Variants in NKAIN2 observed in about 807,000 individuals in gnomAD.
NKAIN2 encodes the protein sodium/potassium-transporting ATPase subunit beta-1-interacting protein 2.
NKAIN2 carries 14 observed loss-of-function variants against 32.6 expected under a neutral mutation model. That is an observed-to-expected ratio of 0.43 (90% CI 0.28 to 0.67). NKAIN2 has a LOEUF of 0.67. NKAIN2 is among the 30% of genes least tolerant of loss of function. The probability of loss-of-function intolerance (pLI) is 0.17; values close to 1 mark genes in which losing one functional copy is unlikely to be tolerated. For synonymous variants in NKAIN2, 80 were observed against 87.2 expected (o/e 0.92, Z 0.46); for missense variants, 198 against 258.3 (o/e 0.77, Z 1.60).
chr6:124,525,284 C>T (rs753642211), intron 3 of NKAIN2, among the ~76,000 whole-genome samples: 10 of 151,942 alleles, frequency 6.6e-5, no homozygotes, highest in African/African-American at 9.7e-5. Flanking sequence ...ATATAGGCAG[C>T]GGGAGTTTAA....
rs374202586 is a variant in NKAIN2, at chr6:124,113,852, C to T, written c.55-169153C>T. ...AACCTTTCAATTAGTTTCTGATTTC[C>T]CACACAGGGAATTCTTCCATCAATT... On this transcript the variant is annotated intron_variant, in intron 1 of 6. Coordinates refer to ENST00000368417, the MANE Select transcript of NKAIN2 (RefSeq NM_001040214.3). Among the ~76,000 whole-genome samples, 39 of 152,240 alleles carry T rather than the reference C, an allele frequency of 2.6e-4. No individual in the cohort carries two copies. In the East Asian group the frequency reaches 6.8e-3, roughly 26 times the overall value.
At chr6:124,406,611 C>T (rs2114476785) in intron 3 of NKAIN2, among the ~76,000 whole-genome samples, 1 of 152,090 alleles carries the variant, frequency 6.6e-6, no homozygotes, top group Non-Finnish European at 1.5e-5. Flanking sequence ...GGTATAATGG[C>T]TGGATTATAT....
intron 1 of NKAIN2, among the ~76,000 whole-genome samples, chr6:123,899,111 G>C (rs1774433897): frequency 6.6e-6 from 1 of 152,194 alleles, no homozygotes; most frequent in South Asian, 2.1e-4. Flanking sequence ...ATCTGTATCT[G>C]TATGATAGGT....
intron 3 of NKAIN2, among the ~76,000 whole-genome samples, chr6:124,470,126 G>C (rs1012068298): frequency 5.3e-5 from 8 of 152,070 alleles, no homozygotes; most frequent in Admixed American, 6.6e-5. Context: ...GTTCCTAGTA[G>C]AAAAACAGCA....
At chr6:123,919,459 A>G (rs1457287098) in intron 1 of NKAIN2, among the ~76,000 whole-genome samples, 4 of 152,160 alleles carry the variant, frequency 2.6e-5, no homozygotes, top group Admixed American at 6.6e-5. Context: ...ATTAACTGCA[A>G]TGTATCTTTT....
intron 1 of NKAIN2, among the ~76,000 whole-genome samples, chr6:124,208,543 A>T (rs139304743): frequency 1.5e-4 from 23 of 151,828 alleles, no homozygotes; most frequent in African/African-American, 5.5e-4. Flanking sequence ...TTAAAAATTT[A>T]AGCAATTCCA....
At chr6:123,889,459 C>T (rs368210400) in intron 1 of NKAIN2, among the ~76,000 whole-genome samples, 92 of 152,174 alleles carry the variant, frequency 6.0e-4, no homozygotes, top group Admixed American at 1.0e-3. Flanking sequence ...AAAGAAGAAT[C>T]GGTTTTGTAA....
At chr6:124,103,413 G>T (rs1317828186) in intron 1 of NKAIN2, among the ~76,000 whole-genome samples, 2 of 152,132 alleles carry the variant, frequency 1.3e-5, no homozygotes, top group African/African-American at 2.4e-5. Flanking sequence ...TGTGCAATTT[G>T]AAAAACTACA....
intron 3 of NKAIN2, among the ~76,000 whole-genome samples, chr6:124,624,032 C>A (rs1264976140): frequency 6.8e-6 from 1 of 147,528 alleles, no homozygotes; most frequent in Non-Finnish European, 1.5e-5. Flanking sequence ...AAAGATAGCT[C>A]CTAAGACAAA....
intron 1 of NKAIN2, among the ~76,000 whole-genome samples, chr6:124,078,702 A>T (rs1783809156): frequency 6.6e-6 from 1 of 152,016 alleles, no homozygotes; most frequent in South Asian, 2.1e-4. Context: ...TATAACATTA[A>T]ATATTTTCAC....
intron 1 of NKAIN2, among the ~76,000 whole-genome samples, chr6:124,233,531 A>G (rs1792572134): frequency 6.6e-6 from 1 of 152,172 alleles, no homozygotes; most frequent in Non-Finnish European, 1.5e-5. Flanking sequence ...AGCTGGGATT[A>G]TGCTTGGTCC....
intron 4 of NKAIN2, among the ~76,000 whole-genome samples, chr6:124,671,066 AAGCAGCTGTACCAAACAG>A (rs1195166428): frequency 6.6e-6 from 1 of 152,064 alleles, no homozygotes; most frequent in East Asian, 1.9e-4. Context: ...CACCTGCAGC[AAGCAGCTGTACCAAACAG>A]AGCAGAACCA....
At chr6:124,024,330 GC>G (rs1420321807) in intron 1 of NKAIN2, among the ~76,000 whole-genome samples, 1 of 152,082 alleles carries the variant, frequency 6.6e-6, no homozygotes, top group Non-Finnish European at 1.5e-5. Flanking sequence ...TCACTGAATG[GC>G]CTTTAGAAAA....
chr6:123,911,778 C>CATATATATGTATAT (rs1775189103), intron 1 of NKAIN2, among the ~76,000 whole-genome samples: 1 of 75,980 alleles, frequency 1.3e-5, no homozygotes, highest in Non-Finnish European at 2.5e-5. Flanking sequence ...TATATACATA[C>CATATATATGTATAT]ATACATATAT....
chr6:124,386,410 C>G (rs903236274), intron 3 of NKAIN2, among the ~76,000 whole-genome samples: 3 of 152,130 alleles, frequency 2.0e-5, no homozygotes, highest in African/African-American at 7.2e-5. Context: ...TTGACTGGAC[C>G]ACTTCCACCT....
intron 1 of NKAIN2, among the ~76,000 whole-genome samples, chr6:124,032,807 C>T (rs1232814617): frequency 6.6e-6 from 1 of 151,960 alleles, no homozygotes; most frequent in Non-Finnish European, 1.5e-5. Flanking sequence ...ATGTATTGAT[C>T]TGTTCCTTCA....
rs552707158 is a variant in NKAIN2 at position 123,843,814 on chromosome 6, C to T, written c.54+39560C>T. 6.6e-5 allele frequency among the ~76,000 whole-genome samples: 10 copies of T among 152,112 alleles called. No individual in the cohort carries two copies. In the South Asian group the frequency reaches 2.1e-3, roughly 32 times the overall value. On this transcript the variant is annotated intron_variant, in intron 1 of 6. Coordinates refer to ENST00000368417, the MANE Select transcript of NKAIN2 (RefSeq NM_001040214.3). ...GTAATGGGGGAAGTGTATGGGTGAACAAAGGTTGTCTTATGATGCAGCTAA... is the reference window on the plus strand; with the variant it reads ...GTAATGGGGGAAGTGTATGGGTGAATAAAGGTTGTCTTATGATGCAGCTAA...
In NKAIN2 at chr6:124,112,159, T is replaced by C. The variant is rs138607191; in HGVS notation, c.55-170846T>C. Among the ~76,000 whole-genome samples the C allele has an allele frequency of 6.1e-4, 93 of 152,272 alleles. 2 individuals are homozygous for C. In the East Asian group the frequency reaches 0.01, roughly 16 times the overall value. ...TATTTACTTTTCTCAACCAGTTTTA[T>C]ACTTTCTTATGCTGTCATGTTGCTG... On this transcript the variant is annotated intron_variant, in intron 1 of 6. Coordinates refer to ENST00000368417, the MANE Select transcript of NKAIN2 (RefSeq NM_001040214.3).
chr6:124,004,310 G>C (rs1002231456), intron 1 of NKAIN2, among the ~76,000 whole-genome samples: 1 of 152,032 alleles, frequency 6.6e-6, no homozygotes, highest in African/African-American at 2.4e-5. Context: ...TTACAGGATA[G>C]ATCTTCAGTA....
Sources: gnomAD v4.1 joint callset for allele counts (sites outside exome capture counted in the v4.1 genomes callset) on GRCh38, gnomAD v4.1.1 for gene constraint, MANE v1.5 for transcripts, NCBI Gene and HGNC (gene_info 2026-07-23, HGNC 2026-07-21) for gene names.